Variants in RIT2 observed in about 807,000 individuals in gnomAD.
RIT2 encodes the protein GTP-binding protein Rit2.
Under a neutral mutation model 23.7 loss-of-function variants are expected in RIT2, and 24 were observed. The ratio of observed to expected loss-of-function variants is 1.01; its 90% CI spans 0.73 to 1.43. RIT2 has a LOEUF of 1.43. RIT2 is among the 40% of genes most tolerant of loss of function. RIT2 has a pLI of 0.00. For synonymous variants in RIT2, 107 were observed against 91.1 expected (o/e 1.17, Z -0.99); for missense variants, 236 against 266.9 (o/e 0.88, Z 0.81).
intron 4 of RIT2, among the ~76,000 whole-genome samples, chr18:42,875,414 T>C (rs553073889): frequency 1.1e-4 from 17 of 151,910 alleles, no homozygotes; most frequent in East Asian, 1.9e-4. Flanking sequence ...ATACAGAGGA[T>C]AGCACTTTAC....
chr18:43,027,012 C>T lies in RIT2; in HGVS notation c.160+6799G>A, dbSNP rs1033327108. ...TTACAGAAGTTAGAGGGAAATCAAG[C>T]GAGTATGATATGTTGTATGCCAAGT... On this transcript the variant is annotated intron_variant, in intron 2 of 4. Transcript: ENST00000326695. Among the ~76,000 whole-genome samples, 11 of 151,880 alleles carry T rather than the reference C, an allele frequency of 7.2e-5. No individual in the cohort carries two copies. In the East Asian group the frequency reaches 7.8e-4, roughly 11 times the overall value.
intron 4 of RIT2, among the ~76,000 whole-genome samples, chr18:42,897,601 C>G (rs1197199169): frequency 6.6e-6 from 1 of 151,750 alleles, no homozygotes; most frequent in Non-Finnish European, 1.5e-5. Context: ...TAAACCTGTA[C>G]AGTATGCCTA....
chr18:43,029,180 G>C (rs773252372), intron 2 of RIT2, among the ~76,000 whole-genome samples: 1 of 151,928 alleles, frequency 6.6e-6, no homozygotes, highest in Non-Finnish European at 1.5e-5. Flanking sequence ...CTTATCGATT[G>C]CTTAGAAAGA....
At chr18:42,874,316 T>A (rs1284646653) in intron 4 of RIT2, among the ~76,000 whole-genome samples, 1 of 152,156 alleles carries the variant, frequency 6.6e-6, no homozygotes, top group African/African-American at 2.4e-5. Flanking sequence ...CTGCTTAATA[T>A]TGTAATTTAA....
chr18:42,851,024 G>A (rs1215531344), intron 4 of RIT2, among the ~76,000 whole-genome samples: 6 of 152,116 alleles, frequency 3.9e-5, no homozygotes, highest in African/African-American at 9.7e-5. Flanking sequence ...ATACATAAGA[G>A]GTGCTCATGA....
chr18:42,845,700 G>A lies in RIT2; in HGVS notation c.426+77872C>T, dbSNP rs889604574. On this transcript the variant is annotated intron_variant, in intron 4 of 4. Transcript: ENST00000326695. ...AAATAAATATTGTAGAAATTATAGA[G>A]TATATTGTCTCACAAATGTGCAATT... Among the ~76,000 whole-genome samples, 5 of 150,538 alleles carry A rather than the reference G, an allele frequency of 3.3e-5. No individual in the cohort carries two copies. In the South Asian group the frequency reaches 6.2e-4, roughly 19 times the overall value.
At chr18:42,892,792 C>T (rs1412418550) in intron 4 of RIT2, among the ~76,000 whole-genome samples, 1 of 152,170 alleles carries the variant, frequency 6.6e-6, no homozygotes, top group African/African-American at 2.4e-5. Context: ...CACCTACTTA[C>T]TCTTCTTTGC....
chr18:42,904,827 C>T (rs76931064), intron 4 of RIT2, among the ~76,000 whole-genome samples: 3,779 of 151,806 alleles, frequency 0.025, 76 homozygotes, highest in Middle Eastern at 0.041. Context: ...CAGAACGGGG[C>T]GTCAAAAGAA....
At chr18:42,976,604 T>C (rs1183977863) in intron 2 of RIT2, among the ~76,000 whole-genome samples, 3 of 152,008 alleles carry the variant, frequency 2.0e-5, no homozygotes, top group Non-Finnish European at 2.9e-5. Flanking sequence ...AAGGATTAAA[T>C]GATACAAGAT....
chr18:43,100,108 T>C (rs1055667670), intron 1 of RIT2, among the ~76,000 whole-genome samples: 1 of 152,036 alleles, frequency 6.6e-6, no homozygotes, highest in African/African-American at 2.4e-5. Context: ...ATAGGTGCTA[T>C]AGAAAGAAAA....
chr18:42,848,001 A>G (rs1257550528), intron 4 of RIT2, among the ~76,000 whole-genome samples: 1 of 151,214 alleles, frequency 6.6e-6, no homozygotes, highest in East Asian at 1.9e-4. Flanking sequence ...AGATCCCCCT[A>G]TAATGAGAGA....
chr18:42,888,551 T>C (rs1470701208), intron 4 of RIT2, among the ~76,000 whole-genome samples: 1 of 151,518 alleles, frequency 6.6e-6, no homozygotes, highest in Admixed American at 6.6e-5. Context: ...TTTTAAATAA[T>C]AGCCTGGGTA....
rs536289251 is a variant in RIT2 at position 42,912,462 on chromosome 18, GAGAA to G, written c.426+11106_426+11109del. The stretch of plus-strand genomic sequence containing the variant: ...GAATGGAAATTAAAGATACACAGAT[GAGAA>G]AGAAACAACTAAAACTCTCTATTTA... On this transcript the variant is annotated intron_variant, in intron 4 of 4. Transcript: ENST00000326695. Among the ~76,000 whole-genome samples, 971 of 151,966 alleles carry G rather than the reference GAGAA, an allele frequency of 6.4e-3. 6 individuals carry two copies. Among genetic ancestry groups the G allele is most frequent in the African/African-American group, 0.022 (899 of 41,522 alleles).
chr18:43,012,998 C>G (rs576457544), intron 2 of RIT2, among the ~76,000 whole-genome samples: 2 of 151,880 alleles, frequency 1.3e-5, no homozygotes, highest in African/African-American at 2.4e-5. Flanking sequence ...TAAAAGGGAA[C>G]AAAAGCACTA....
rs1909256174 is a variant in RIT2 at position 42,929,034 on chromosome 18, G to GATATATAATATATAT, written c.235-5272_235-5271insATATATATTATATAT. Reference sequence around the variant, plus strand: ...ACATATACTAAAACTAAAATATGGAGATATATATATATATATATATATATT... The same window carrying GATATATAATATATAT: ...ACATATACTAAAACTAAAATATGGAGATATATAATATATATATATATATATATATATATATATATT... On this transcript the variant is annotated intron_variant, in intron 3 of 4. Transcript: ENST00000326695. Among the ~76,000 whole-genome samples the GATATATAATATATAT allele has an allele frequency of 3.1e-5, 3 of 96,956 alleles. No homozygotes were observed. The Admixed American group carries it at 3.8e-4, about 12-fold the overall frequency. 63.6% of individuals were successfully genotyped at this position (96,956 alleles called of 152,430 possible).
intron 4 of RIT2, among the ~76,000 whole-genome samples, chr18:42,869,306 T>G (rs923071732): frequency 2.6e-5 from 4 of 152,210 alleles, no homozygotes; most frequent in African/African-American, 9.6e-5. Context: ...AATCTAATGC[T>G]GCAGCTAATC....
chr18:43,057,050 G>A (rs990912622), intron 1 of RIT2, among the ~76,000 whole-genome samples: 3 of 116,268 alleles, frequency 2.6e-5, no homozygotes, highest in South Asian at 3.3e-4. Flanking sequence ...ACCATTAGTC[G>A]GGCGGGGGGT....
intron 4 of RIT2, among the ~76,000 whole-genome samples, chr18:42,784,621 G>C (rs1913884560): frequency 6.6e-6 from 1 of 151,964 alleles, no homozygotes; most frequent in Non-Finnish European, 1.5e-5. Flanking sequence ...TTTTAGAAAT[G>C]AAACAACTCC....
At chr18:42,821,948 G>C (rs1906163968) in intron 4 of RIT2, among the ~76,000 whole-genome samples, 1 of 152,092 alleles carries the variant, frequency 6.6e-6, no homozygotes, top group Admixed American at 6.5e-5. Context: ...GAAAATACAG[G>C]AACTTAAAAT....
Sources: allele counts gnomAD v4.1 joint callset (sites outside exome capture counted in the v4.1 genomes callset), GRCh38; gene constraint gnomAD v4.1.1; transcripts MANE v1.5; gene names NCBI Gene and HGNC (gene_info 2026-07-23, HGNC 2026-07-21).